SENP3: variants seen among roughly 807,000 people sequenced by gnomAD.
SENP3 encodes the protein sentrin-specific protease 3.
Under a neutral mutation model 66.2 loss-of-function variants are expected in SENP3, and 11 were observed. The ratio of observed to expected loss-of-function variants is 0.17; its 90% CI spans 0.10 to 0.28. The LOEUF (loss-of-function observed/expected upper bound fraction) is 0.28. SENP3 is among the 10% of genes least tolerant of loss of function. The probability of loss-of-function intolerance (pLI) is 1.00; values close to 1 mark genes in which losing one functional copy is unlikely to be tolerated. For missense variants in SENP3, 548 were observed against 743.7 expected (o/e 0.74, Z 3.06); for synonymous variants, 292 against 277.6 (o/e 1.05, Z -0.52).
intron 6 of SENP3, among the ~76,000 whole-genome samples, chr17:7,566,426 C>A (rs1042717438): frequency 1.8e-4 from 27 of 151,866 alleles, no homozygotes; most frequent in Non-Finnish European, 3.8e-4. Flanking sequence ...GAGGCCAAGG[C>A]GGGTGGATCA....
rs1567731501 is a variant in SENP3, at chr17:7,571,889, ATATATATATATATATATATAAAAATATAT to A, written c.*407_*435del. ...TATATATATATATATATATATATAT[ATATATATATATATATATATAAAAATATAT>A]AAATGCCACGGTCCTGCTCTGGTCA... is the stretch of plus-strand genomic sequence containing the variant. On this transcript the variant is annotated 3_prime_UTR_variant, in exon 11 of 11. Transcript: ENST00000321337. 44 of 12,004 alleles carry A rather than the reference ATATATATATATATATATATAAAAATATAT, an allele frequency of 3.7e-3. 2 individuals carry two copies. The highest frequency in any genetic ancestry group is 4.8e-3 in the Non-Finnish European group (24 of 5,044). The allele number at this position is 12,004 out of a possible 1,614,324, so 0.7% of individuals were successfully genotyped here. A position where few individuals can be genotyped will look rare whatever the true frequency, so the allele number is the denominator to read the frequency against.
chr17:7,567,030 G>A (rs1181790284), intron 7 of SENP3, 26 bp downstream of exon 7: 1 of 1,394,830 alleles, frequency 7.2e-7, no homozygotes, highest in Non-Finnish European at 1.0e-6. Context: ...ACATCCACTT[G>A]TGTAATGCCT....
Position 7,564,835 on chromosome 17 carries a change from T to C in SENP3, c.926T>C (p.Leu309Pro), listed in dbSNP as rs2071255092. 30 of 1,612,164 alleles carry C rather than the reference T, an allele frequency of 1.9e-5. No homozygotes were observed. Among genetic ancestry groups the C allele is most frequent in the Non-Finnish European group, 2.5e-5 (30 of 1,178,972 alleles). Residue 309 changes from leucine to proline, a missense_variant, in exon 3 of 11, where the codon CTG becomes CCG. Physicochemically the swap from Leu to Pro is moderately conservative, Grantham distance 98. Around this residue, in one of 6 missense-constraint regions of SENP3, gnomAD observed 215 missense variants for 230.7 expected, o/e 0.93. Transcript: ENST00000321337. ...GAGAAAGCCGGCCAGCACAGCCCCC[T>C]GCGAGAGGAGCATGTGACCTGCGTA... ...PGEKAGQHSP[L>P]REEHVTCVQS...
intron 2 of SENP3, 25 bp downstream of exon 2, chr17:7,563,816 T>TGGGGGG: frequency 6.6e-7 from 1 of 1,525,250 alleles, no homozygotes; most frequent in Non-Finnish European, 8.9e-7. Context: ...GGGTGTGGGG[T>TGGGGGG]TGCGGGGGAG....
chr17:7,568,612 G>A (rs1173171582), intron 7 of SENP3, among the ~76,000 whole-genome samples: 1 of 152,054 alleles, frequency 6.6e-6, no homozygotes, highest in African/African-American at 2.4e-5. Flanking sequence ...AAACCCGAGA[G>A]GAGGAGTTTG....
chr17:7,569,007 T>C (rs1215044138), intron 7 of SENP3, among the ~76,000 whole-genome samples: 1 of 152,154 alleles, frequency 6.6e-6, no homozygotes, highest in Non-Finnish European at 1.5e-5. Context: ...GCTTGGTTGT[T>C]GGTGGAGAGA....
In SENP3 at chr17:7,563,049, G is replaced by A. The variant is rs778604872; in HGVS notation, c.-11-17G>A. 7.6e-6 allele frequency: 11 copies of A among 1,452,640 alleles called. No homozygotes were observed. In the South Asian group the frequency reaches 1.6e-4, roughly 21 times the overall value. 90.0% of individuals were successfully genotyped at this position (1,452,640 alleles called of 1,614,324 possible). On this transcript the variant is annotated splice_polypyrimidine_tract_variant and intron_variant, in intron 1 of 10. Transcript: ENST00000321337. ...GGTGATGCTTAGATTTTGATACCCT[G>A]ATCTTTTGTTTTTCAGGGTACTGGA...
rs1597840498 is a variant in SENP3, at chr17:7,566,782, C to CA, written c.1264-143dup. The CA allele has an allele frequency of 1.2e-5, 8 of 646,452 alleles. No individual in the cohort carries two copies. In the East Asian group the frequency reaches 2.2e-4, roughly 18 times the overall value. 40.0% of individuals were successfully genotyped at this position (646,452 alleles called of 1,614,324 possible). A position where few individuals can be genotyped will look rare whatever the true frequency, so the allele number is the denominator to read the frequency against. On this transcript the variant is annotated intron_variant, in intron 6 of 10. Transcript: ENST00000321337. Reference sequence around the variant, plus strand: ...GCCAGGAGTTTGAGACCAACCTGGGCAACATAGTGAGACCCTGTCTCTACC... The same window carrying CA: ...GCCAGGAGTTTGAGACCAACCTGGGCAAACATAGTGAGACCCTGTCTCTACC...
In SENP3 at chr17:7,562,224, G is replaced by A. The variant is rs1040914694; in HGVS notation, c.-51G>A. On this transcript the variant is annotated 5_prime_UTR_variant, in exon 1 of 11. Coordinates refer to ENST00000321337, the MANE Select transcript of SENP3 (RefSeq NM_015670.6). The surrounding 1 kb of genome is among the most constrained non-coding windows in gnomAD (Gnocchi z 5.0). ...AGCCGGGAAGCTTGAGGCCGGAGAC[G>A]CCCGCCTTCGGGCCCGTCCGCCCGG... The A allele has an allele frequency of 5.0e-6, 2 of 398,584 alleles. No individual in the cohort carries two copies. Among genetic ancestry groups the A allele is most frequent in the Non-Finnish European group, 8.9e-6 (2 of 225,982 alleles). The allele number at this position is 398,584 out of a possible 1,614,324, so 24.7% of individuals were successfully genotyped here. A position where few individuals can be genotyped will look rare whatever the true frequency, so the allele number is the denominator to read the frequency against.
rs201323747 is a variant in SENP3, at chr17:7,563,746, G to C, written c.670G>C (p.Asp224His). Reference sequence around the variant, plus strand: ...GCCCTCTGGGCCCCCCATGGAGGAAGATGGACTCAGGTGGACTCCAAAGTC... The same window carrying C: ...GCCCTCTGGGCCCCCCATGGAGGAACATGGACTCAGGTGGACTCCAAAGTC... ...PVPSGPPMEE[D>H]GLRWTPKSPL... The change falls in exon 2 of 11, where the codon GAT (aspartate) becomes CAT (histidine). Residue 224 changes from aspartate (D) to histidine (H), a missense_variant. Asp to His is a moderately conservative substitution (Grantham distance 81). Coordinates refer to ENST00000321337, the MANE Select transcript of SENP3 (RefSeq NM_015670.6). 6.3e-7 allele frequency: 1 copy of C among 1,589,348 alleles called. No homozygotes were observed. Among genetic ancestry groups the C allele is most frequent in the South Asian group, 1.1e-5 (1 of 90,800 alleles).
chr17:7,562,375 GT>G lies in SENP3; in HGVS notation c.-12+113del, dbSNP rs2150917655. 2.5e-6 allele frequency: 1 copy of G among 395,726 alleles called. No homozygotes were observed. The highest frequency in any genetic ancestry group is 2.1e-5 in the African/African-American group (1 of 48,660). 24.5% of individuals were successfully genotyped at this position (395,726 alleles called of 1,614,324 possible). On this transcript the variant is annotated intron_variant, in intron 1 of 10. Coordinates refer to ENST00000321337, the MANE Select transcript of SENP3 (RefSeq NM_015670.6). The surrounding 1 kb of genome is among the most constrained non-coding windows in gnomAD (Gnocchi z 5.0). Reference sequence around the variant, plus strand: ...CCCGCATAGGGGCTTCTTAAGGCCCGTGTGCGCCGAGCCATCCAAGCTCGTG... The same window carrying G: ...CCCGCATAGGGGCTTCTTAAGGCCCGGTGCGCCGAGCCATCCAAGCTCGTG...
Position 7,564,635 on chromosome 17 carries a change from A to C in SENP3, c.726A>C (p.Ser242=), listed in dbSNP as rs777356735. 2 of 1,613,744 alleles carry C rather than the reference A, an allele frequency of 1.2e-6. No individual in the cohort carries two copies. The highest frequency in any genetic ancestry group is 1.7e-6 in the Non-Finnish European group (2 of 1,179,864). Reference sequence around the variant, plus strand: ...TCCCCTGCCCTATAGGCCTCCTTTCATGTACTCTGCCCAACGGTTTTGGGG... The same window carrying C: ...TCCCCTGCCCTATAGGCCTCCTTTCCTGTACTCTGCCCAACGGTTTTGGGG... ...SPLDPDSGLL[S]CTLPNGFGGQ... Residue 242 remains serine, a synonymous_variant, in exon 3 of 11, where the codon TCA becomes TCC. Coordinates refer to ENST00000321337, the MANE Select transcript of SENP3 (RefSeq NM_015670.6).
Position 7,571,903 on chromosome 17 carries a change from AT to A in SENP3, c.*421del, listed in dbSNP as rs2071327558. On this transcript the variant is annotated 3_prime_UTR_variant, in exon 11 of 11. Coordinates refer to ENST00000321337, the MANE Select transcript of SENP3 (RefSeq NM_015670.6). ...TATATATATATATATATATATATAT[AT>A]ATATAAAAATATATAAATGCCACGG... is the stretch of plus-strand genomic sequence containing the variant. 5 of 13,782 alleles carry A rather than the reference AT, an allele frequency of 3.6e-4. No homozygotes were observed. The highest frequency in any genetic ancestry group is 5.1e-4 in the Non-Finnish European group (3 of 5,920). The allele number at this position is 13,782 out of a possible 1,614,324, so 0.9% of individuals were successfully genotyped here.
At chr17:7,566,172 T>C in intron 6 of SENP3, 1 of 158,766 alleles carries the variant, frequency 6.3e-6, no homozygotes, top group South Asian at 1.5e-4. Context: ...AGAAATCCCG[T>C]CTCTACTAAA....
At position 7,563,301 on chromosome 17, in the gene SENP3, TGAAGAGGAGGAA is replaced by T. The variant is rs1442777602; in HGVS notation, c.237_248del (p.Glu82_Glu85del). ...GACCCTCTTTTGATGCCTCAGCAAG[TGAAGAGGAGGAA>T]GAAGAGGAGGAGGAGGAGGATGAAG... On this transcript the variant is annotated inframe_deletion, in exon 2 of 11. Coordinates refer to ENST00000321337, the MANE Select transcript of SENP3 (RefSeq NM_015670.6). 48 of 1,552,324 alleles carry T rather than the reference TGAAGAGGAGGAA, an allele frequency of 3.1e-5. No individual in the cohort carries two copies. The highest frequency in any genetic ancestry group is 2.0e-4 in the East Asian group (8 of 40,976).
rs1290673492 is a variant in SENP3, at chr17:7,563,438, CCTG to C, written c.365_367del (p.Cys122del). ...CCTTCCCGCCCCACTCATCGAAAAA[CCTG>C]CTCACAGCGCCGCCGCCGAGCCATG... On this transcript the variant is annotated inframe_deletion, in exon 2 of 11. Coordinates refer to ENST00000321337, the MANE Select transcript of SENP3 (RefSeq NM_015670.6). The C allele has an allele frequency of 4.8e-6, 3 of 623,552 alleles. No homozygotes were observed. In the African/African-American group the frequency reaches 6.1e-5, roughly 13 times the overall value. 38.6% of individuals were successfully genotyped at this position (623,552 alleles called of 1,614,324 possible). A position where few individuals can be genotyped will look rare whatever the true frequency, so the allele number is the denominator to read the frequency against.
chr17:7,565,638 G>T (rs1399962178), intron 5 of SENP3, 51 bp downstream of exon 5: 7 of 1,613,144 alleles, frequency 4.3e-6, no homozygotes. Flanking sequence ...GGAGCAGGGT[G>T]TCTGGGGCCC....
chr17:7,562,035 G>A lies in SENP3; in HGVS notation c.-240G>A, dbSNP rs2071219659. ...TGGCGCTGGTGGCGGCGGTGGCGGA[G>A]GTGGAGGTGGAGGTGGAAGCTGAAG... On this transcript the variant is annotated 5_prime_UTR_variant, in exon 1 of 11. Transcript: ENST00000321337. This position sits in a 1 kb window ranked among gnomAD's most constrained non-coding sequence, Gnocchi z 5.0. 3 of 397,536 alleles carry A rather than the reference G, an allele frequency of 7.5e-6. No individual in the cohort carries two copies. Among genetic ancestry groups the A allele is most frequent in the South Asian group, 1.2e-4 (1 of 8,554 alleles). The allele number at this position is 397,536 out of a possible 1,614,324, so 24.6% of individuals were successfully genotyped here. A position where few individuals can be genotyped will look rare whatever the true frequency, so the allele number is the denominator to read the frequency against.
intron 5 of SENP3, 26 bp from the exon 6 acceptor site, chr17:7,565,691 C>T: frequency 1.9e-6 from 3 of 1,613,840 alleles, no homozygotes; most frequent in Non-Finnish European, 2.5e-6. Context: ...CCCTCCATGG[C>T]AAGCTGCCTC....
Sources: allele counts gnomAD v4.1 joint callset (sites outside exome capture counted in the v4.1 genomes callset), GRCh38; gene constraint gnomAD v4.1.1; regional missense constraint gnomAD v4.1.1; non-coding constraint Gnocchi (gnomAD v3.1); transcripts MANE v1.5; gene names NCBI Gene and HGNC (gene_info 2026-07-23, HGNC 2026-07-21).